KRT18: variants seen among roughly 807,000 people sequenced by gnomAD.
The protein encoded by KRT18 is keratin 18, also known as keratin, type I cytoskeletal 18.
In KRT18, 8 loss-of-function variants were observed where a neutral mutation model predicts 39.9. That is an observed-to-expected ratio of 0.20 (90% CI 0.12 to 0.36). The LOEUF is 0.36. KRT18 is among the 10% of genes least tolerant of loss of function. The pLI, the probability that KRT18 is intolerant of heterozygous loss-of-function variation, is 1.00. For missense variants in KRT18, 396 were observed against 565.7 expected, an observed-to-expected ratio of 0.70 and a Z score of 3.04; for synonymous variants, 194 against 227.8, an observed-to-expected ratio of 0.85 and a Z score of 1.33.
chr12:52,950,156 AAGG>A (rs1942454190), intron 1 of KRT18, 169 bp from the exon 2 acceptor site: 1 of 725,736 alleles, frequency 1.4e-6, no homozygotes, highest in African/African-American at 1.7e-5. Context: ...GAATCCAGGA[AAGG>A]AGGGAATGGG....
upstream of KRT18, chr12:52,948,965 G>T: frequency 4.4e-6 from 2 of 458,668 alleles, no homozygotes; most frequent in South Asian, 5.5e-5. Context: ...AGGGCTGCGC[G>T]GAGGGCGCGG....
intron 1 of KRT18, chr12:52,949,904 T>A (rs77195057): frequency 3.0e-6 from 2 of 666,602 alleles, no homozygotes; most frequent in East Asian, 5.4e-5. Flanking sequence ...GAATGGGGAC[T>A]ATTGGAGGGT....
chr12:52,952,070 G>T, intron 5 of KRT18, 49 bp from the exon 6 acceptor site: 2 of 1,453,588 alleles, frequency 1.4e-6, no homozygotes, highest in Non-Finnish European at 1.9e-6. Flanking sequence ...GGGATGAGCA[G>T]TCCTGGGACT....
At chr12:52,952,515 C>G (rs1942509508) in intron 6 of KRT18, 173 bp downstream of exon 6, 1 of 757,914 alleles carries the variant, frequency 1.3e-6, no homozygotes, top group African/African-American at 1.7e-5. Flanking sequence ...AGAGGTCTCC[C>G]CCTTGAAGAA....
intron 3 of KRT18, 101 bp downstream of exon 3, chr12:52,951,007 C>T (rs945383461): frequency 1.5e-5 from 17 of 1,160,096 alleles, no homozygotes; most frequent in Admixed American, 2.3e-5. Context: ...CTTGCTAAGA[C>T]GTTTAGAAAT....
intron 1 of KRT18, 56 bp from the exon 2 acceptor site, chr12:52,950,272 C>T (rs983054252): frequency 7.1e-6 from 9 of 1,264,980 alleles, no homozygotes; most frequent in Admixed American, 1.7e-5. Flanking sequence ...ACACACTCAC[C>T]CCACCCATCC....
intron 1 of KRT18, 59 bp downstream of exon 1, chr12:52,949,649 C>T (rs755281040): frequency 6.9e-7 from 1 of 1,441,934 alleles, no homozygotes; most frequent in Non-Finnish European, 9.7e-7. Flanking sequence ...TTATACACTC[C>T]TTTGCCTCTT....
chr12:52,949,804 G>C (rs1001443119), intron 1 of KRT18: 3 of 708,480 alleles, frequency 4.2e-6, no homozygotes, highest in Non-Finnish European at 7.8e-6. Context: ...AGGGGGAAGG[G>C]GACAGGGTTG....
At chr12:52,949,795 G>A (rs1313423681) in intron 1 of KRT18, 2 of 710,670 alleles carry the variant, frequency 2.8e-6, no homozygotes, top group East Asian at 2.7e-5. Context: ...CCAGGAGAGA[G>A]GGGGAAGGGG....
In KRT18 at chr12:52,952,867, G is replaced by T. The variant is rs780129356; in HGVS notation, c.*25G>T. 3 of 1,600,264 alleles carry T rather than the reference G, an allele frequency of 1.9e-6. No individual in the cohort carries two copies. The highest frequency in any genetic ancestry group is 2.5e-6 in the Non-Finnish European group (3 of 1,177,498). On this transcript the variant is annotated 3_prime_UTR_variant, in exon 7 of 7. Coordinates refer to ENST00000388835, the MANE Select transcript of KRT18 (RefSeq NM_000224.3). ...AGCCAGCAGAAGCAGGGTACCCTTTGGGGAGCAGGAGGCCAATAAAAAGTT... is the reference window on the plus strand; with the variant it reads ...AGCCAGCAGAAGCAGGGTACCCTTTTGGGAGCAGGAGGCCAATAAAAAGTT...
chr12:52,952,520 G>C, intron 6 of KRT18, 178 bp downstream of exon 6: 1 of 767,918 alleles, frequency 1.3e-6, no homozygotes. Context: ...TCTCCCCCTT[G>C]AAGAAAGCAA....
intron 3 of KRT18, among the ~76,000 whole-genome samples, chr12:52,951,173 G>A (rs970796228): frequency 1.3e-5 from 2 of 152,154 alleles, no homozygotes; most frequent in Non-Finnish European, 2.9e-5. Context: ...AGGAGCTGGG[G>A]GTGATAAAGG....
intron 1 of KRT18, chr12:52,949,944 T>C: frequency 1.6e-6 from 1 of 624,862 alleles, no homozygotes; most frequent in Non-Finnish European, 2.8e-6. Context: ...CTGAGTCATC[T>C]AGGAGTAAAC....
intron 6 of KRT18, 107 bp from the exon 7 acceptor site, chr12:52,952,615 G>T: frequency 8.2e-7 from 1 of 1,224,466 alleles, no homozygotes; most frequent in South Asian, 1.2e-5. Flanking sequence ...GGCTGAGGGT[G>T]ATTTGGAGAT....
chr12:52,951,532 G>A lies in KRT18; in HGVS notation c.709G>A (p.Val237Ile). ...TGCCAGCTCTGGGTTGACCGTGGAG[G>A]TAGATGCCCCCAAATCTCAGGACCT... ...QIASSGLTVE[V>I]DAPKSQDLAK... Residue 237 changes from valine (V) to isoleucine (I), a missense_variant, in exon 4 of 7, where the codon GTA becomes ATA. Transcript: ENST00000388835. 1 of 1,614,092 alleles carries A rather than the reference G, an allele frequency of 6.2e-7. No individual in the cohort carries two copies. Among genetic ancestry groups the A allele is most frequent in the Non-Finnish European group, 8.5e-7 (1 of 1,179,976 alleles).
chr12:52,949,018 G>A (rs1446072799), upstream of KRT18: 3 of 661,904 alleles, frequency 4.5e-6, no homozygotes, highest in East Asian at 5.9e-5. Flanking sequence ...GAGGGCGCGG[G>A]CTCCGAGCCG....
In KRT18 at chr12:52,951,621, G is replaced by A. The variant is rs750214150; in HGVS notation, c.798G>A (p.Glu266=). 1.2e-6 allele frequency: 2 copies of A among 1,613,972 alleles called. No homozygotes were observed. The highest frequency in any genetic ancestry group is 1.7e-6 in the Non-Finnish European group (2 of 1,180,018). The change falls in exon 4 of 7, where the codon GAG becomes GAA. Residue 266 remains glutamate (E), a synonymous_variant. Transcript: ENST00000388835. Reference sequence around the variant, plus strand: ...AGCTGGCTCGGAAGAACCGAGAGGAGCTAGACAAGTACTGGTCTCAGCAGG... The same window carrying A: ...AGCTGGCTCGGAAGAACCGAGAGGAACTAGACAAGTACTGGTCTCAGCAGG... ...YDELARKNRE[E]LDKYWSQQIE... is the part of the protein sequence containing the mutation.
rs753197079 is a variant in KRT18 at position 52,952,302 on chromosome 12, G to A, written c.1132G>A (p.Ala378Thr). ...CAAGGTCAAGCTGGAGGCTGAGATC[G>A]CCACCTACCGCCGCCTGCTGGAAGA... is the stretch of plus-strand genomic sequence containing the variant. ...NIKVKLEAEI[A>T]TYRRLLEDGE... The change falls in exon 6 of 7, where the codon GCC becomes ACC. Residue 378 changes from alanine (A) to threonine (T), a missense_variant. Coordinates refer to ENST00000388835, the MANE Select transcript of KRT18 (RefSeq NM_000224.3). The A allele has an allele frequency of 3.1e-6, 5 of 1,607,298 alleles. No individual in the cohort carries two copies. The highest frequency in any genetic ancestry group is 2.2e-5 in the East Asian group (1 of 44,760).
rs11551621 is a variant in KRT18, at chr12:52,949,503, C to T, written c.330C>T (p.Ser110=). 6.2e-7 allele frequency: 1 copy of T among 1,613,450 alleles called. No individual in the cohort carries two copies. The highest frequency in any genetic ancestry group is 1.3e-5 in the African/African-American group (1 of 74,950). The change falls in exon 1 of 7, where the codon AGC becomes AGT. Residue 110 remains serine (S), a synonymous_variant. Coordinates refer to ENST00000388835, the MANE Select transcript of KRT18 (RefSeq NM_000224.3). ...SLETENRRLE[S]KIREHLEKKG... The stretch of plus-strand genomic sequence containing the variant: ...AGACCGAGAACCGGAGGCTGGAGAG[C>T]AAAATCCGGGAGCACTTGGAGAAGA...
Sources: allele counts gnomAD v4.1 joint callset (sites outside exome capture counted in the v4.1 genomes callset), GRCh38; gene constraint gnomAD v4.1.1; transcripts MANE v1.5; gene names NCBI Gene and HGNC (gene_info 2026-07-23, HGNC 2026-07-21).